CSGALNACT1: variants seen among roughly 807,000 people sequenced by gnomAD.
CSGALNACT1 encodes the protein beta4GalNAcT-1.
Under a neutral mutation model 51.0 loss-of-function variants are expected in CSGALNACT1, and 52 were observed. The ratio of observed to expected loss-of-function variants is 1.02; its 90% confidence interval spans 0.82 to 1.29. CSGALNACT1 has a LOEUF of 1.29. CSGALNACT1 is among the 50% of genes most tolerant of loss of function. The pLI, the probability that CSGALNACT1 is intolerant of heterozygous loss-of-function variation, is 0.00. For missense variants in CSGALNACT1, 935 were observed against 679.2 expected (o/e 1.38, Z -4.19); for synonymous variants, 341 against 254.4 (o/e 1.34, Z -3.24).
chr8:19,549,803 T>A (rs947870438), intron 3 of CSGALNACT1, among the ~76,000 whole-genome samples: 1 of 152,054 alleles, frequency 6.6e-6, no homozygotes, highest in African/African-American at 2.4e-5. Context: ...GCTGACAGTT[T>A]GACCAGGTAA....
At chr8:19,660,999 G>A (rs952535644) in intron 1 of CSGALNACT1, among the ~76,000 whole-genome samples, 3 of 152,056 alleles carry the variant, frequency 2.0e-5, no homozygotes, top group Admixed American at 2.0e-4. Context: ...TGCAACCTCT[G>A]CCTCCTGGGT....
At chr8:19,694,361 C>T (rs1589553797) in intron 1 of CSGALNACT1, among the ~76,000 whole-genome samples, 1 of 152,150 alleles carries the variant, frequency 6.6e-6, no homozygotes, top group Non-Finnish European at 1.5e-5. Context: ...AGAGATTTAC[C>T]CTCATTTCAA....
intron 1 of CSGALNACT1, among the ~76,000 whole-genome samples, chr8:19,713,076 T>A (rs992914492): frequency 6.6e-6 from 1 of 152,202 alleles, no homozygotes; most frequent in African/African-American, 2.4e-5. Context: ...AAACATTGCC[T>A]GATTACTCTC....
At chr8:19,427,668 G>T (rs1245316430) in intron 6 of CSGALNACT1, among the ~76,000 whole-genome samples, 1 of 152,102 alleles carries the variant, frequency 6.6e-6, no homozygotes, top group Admixed American at 6.5e-5. Context: ...GGCACCTGTA[G>T]TCCCAGCTAC....
chr8:19,594,609 T>C (rs1180353623), intron 2 of CSGALNACT1, among the ~76,000 whole-genome samples: 3 of 152,136 alleles, frequency 2.0e-5, no homozygotes, highest in African/African-American at 4.8e-5. Flanking sequence ...AATGGCGTGA[T>C]CTCTGCTCAC....
At chr8:19,745,405 A>G (rs905505958) in intron 1 of CSGALNACT1, among the ~76,000 whole-genome samples, 1 of 152,216 alleles carries the variant, frequency 6.6e-6, no homozygotes, top group Non-Finnish European at 1.5e-5. Flanking sequence ...ATACATGCTC[A>G]CAATGTGTAA....
intron 3 of CSGALNACT1, among the ~76,000 whole-genome samples, chr8:19,552,896 G>T (rs2088568046): frequency 6.6e-6 from 1 of 152,146 alleles, no homozygotes; most frequent in South Asian, 2.1e-4. Flanking sequence ...CTAAGAACAG[G>T]AGAGTGGCTG....
At chr8:19,506,096 G>A (rs1228898450) in exon 4 of CSGALNACT1, 3 of 646,582 alleles carry the variant, frequency 4.6e-6, no homozygotes, top group Non-Finnish European at 8.5e-6. Context: ...TCCCATCACA[G>A]CCTTCCTGAT....
intron 1 of CSGALNACT1, among the ~76,000 whole-genome samples, chr8:19,630,328 T>C (rs913309122): frequency 6.6e-5 from 10 of 151,956 alleles, no homozygotes; most frequent in African/African-American, 1.9e-4. Flanking sequence ...AAAAAATTAA[T>C]AGAGTTTAAT....
intron 1 of CSGALNACT1, among the ~76,000 whole-genome samples, chr8:19,720,055 A>AC (rs2063030838): frequency 6.6e-6 from 1 of 152,208 alleles, no homozygotes. Context: ...TCACAGAGGT[A>AC]CAAGAGCCAT....
chr8:19,601,916 A>C, intron 1 of CSGALNACT1, 51 bp from the exon 2 acceptor site: 2 of 453,594 alleles, frequency 4.4e-6, no homozygotes, highest in South Asian at 1.6e-5. Context: ...CCATGTCTTA[A>C]ATGTATGTGG....
chr8:19,562,438 A>G (rs1226558435), intron 3 of CSGALNACT1, among the ~76,000 whole-genome samples: 1 of 152,128 alleles, frequency 6.6e-6, no homozygotes, highest in Non-Finnish European at 1.5e-5. Flanking sequence ...AATTTCATCA[A>G]AAGCAAAAAC....
At chr8:19,586,847 T>A (rs969775282) in intron 3 of CSGALNACT1, among the ~76,000 whole-genome samples, 1 of 152,210 alleles carries the variant, frequency 6.6e-6, no homozygotes, top group Non-Finnish European at 1.5e-5. Context: ...TAGGCTCAGG[T>A]ACATCGTACC....
intron 1 of CSGALNACT1, among the ~76,000 whole-genome samples, chr8:19,659,195 T>C (rs1468507375): frequency 6.6e-6 from 1 of 152,220 alleles, no homozygotes; most frequent in Non-Finnish European, 1.5e-5. Context: ...GTATCTCACA[T>C]AAGCTCAGTA....
At chr8:19,498,137 G>A (rs1587275102) in intron 4 of CSGALNACT1, among the ~76,000 whole-genome samples, 1 of 152,066 alleles carries the variant, frequency 6.6e-6, no homozygotes, top group Non-Finnish European at 1.5e-5. Flanking sequence ...TAAATTAACT[G>A]AGACCTGTCT....
chr8:19,584,043 T>G (rs947654176), intron 3 of CSGALNACT1, among the ~76,000 whole-genome samples: 1 of 152,298 alleles, frequency 6.6e-6, no homozygotes, highest in African/African-American at 2.4e-5. Flanking sequence ...ATTCATAGAC[T>G]CAGCCCAAGT....
At chr8:19,463,961 CTG>C (rs2066112044) in intron 4 of CSGALNACT1, among the ~76,000 whole-genome samples, 1 of 152,206 alleles carries the variant, frequency 6.6e-6, no homozygotes, top group Non-Finnish European at 1.5e-5. Context: ...AGACCCCTCT[CTG>C]TGCCCTGTCT....
chr8:19,458,645 G>C lies in CSGALNACT1; in HGVS notation c.635-3C>G. The C allele has an allele frequency of 6.2e-7, 1 of 1,613,680 alleles. No homozygotes were observed. Among genetic ancestry groups the C allele is most frequent in the Non-Finnish European group, 8.5e-7 (1 of 1,179,626 alleles). ...GTCCCTTTCTGTTCGGTAGATCCCT[G>C]TTAAGAGAAAAACAAGGAAAGATAG... On this transcript the variant is annotated splice_region_variant and splice_polypyrimidine_tract_variant and intron_variant, in intron 4 of 9. Transcript: ENST00000454498.
intron 1 of CSGALNACT1, among the ~76,000 whole-genome samples, chr8:19,633,780 C>T (rs796674186): frequency 3.3e-5 from 5 of 152,310 alleles, no homozygotes; most frequent in African/African-American, 1.2e-4. Context: ...TTTGTTATAG[C>T]AACCCTGAGA....
Sources: gnomAD v4.1 joint callset for allele counts (sites outside exome capture counted in the v4.1 genomes callset) on GRCh38, gnomAD v4.1.1 for gene constraint, MANE v1.5 for transcripts, NCBI Gene and HGNC (gene_info 2026-07-23, HGNC 2026-07-21) for gene names.